QTMAN: variants seen among roughly 807,000 people sequenced by gnomAD.
The protein encoded by QTMAN is queuosine-tRNA mannosyltransferase.
At chr2:144,195,207 A>C in the QTMAN span, among the ~76,000 whole-genome samples, 1 of 152,236 alleles carries the variant, frequency 6.6e-6, no homozygotes, top group East Asian at 1.9e-4. Context: ...ACAATAGCTG[A>C]GAAGCATTGA....
At chr2:144,017,917 C>T in the QTMAN span, among the ~76,000 whole-genome samples, 1 of 152,106 alleles carries the variant, frequency 6.6e-6, no homozygotes, top group Non-Finnish European at 1.5e-5. Context: ...TTTAGCCATC[C>T]ACTTAAGGCA....
At chr2:144,323,120 A>C in the QTMAN span, among the ~76,000 whole-genome samples, 1 of 152,298 alleles carries the variant, frequency 6.6e-6, no homozygotes, top group African/African-American at 2.4e-5. Context: ...TTCTAAGTCT[A>C]AATAGTCACA....
the QTMAN span, among the ~76,000 whole-genome samples, chr2:144,105,248 G>A: frequency 6.6e-6 from 1 of 152,218 alleles, no homozygotes; most frequent in Non-Finnish European, 1.5e-5. Flanking sequence ...GAGCAAAGCT[G>A]GACGGAGAAT....
At chr2:143,943,863 A>G in the QTMAN span, 3 of 152,242 alleles carry the variant, frequency 2.0e-5, no homozygotes, top group African/African-American at 7.2e-5. Flanking sequence ...TGAGAAGGTT[A>G]AGAACCAGGT....
chr2:143,967,462 C>T, the QTMAN span, among the ~76,000 whole-genome samples: 1 of 151,994 alleles, frequency 6.6e-6, no homozygotes, highest in South Asian at 2.1e-4. Context: ...TCCCAAGTTG[C>T]TGGGATTACC....
the QTMAN span, among the ~76,000 whole-genome samples, chr2:144,122,155 A>G: frequency 1.3e-5 from 2 of 152,320 alleles, no homozygotes; most frequent in Non-Finnish European, 2.9e-5. Context: ...GATTCCATGT[A>G]AATCAGGTTT....
chr2:143,964,491 T>A, the QTMAN span, among the ~76,000 whole-genome samples: 1 of 152,150 alleles, frequency 6.6e-6, no homozygotes, highest in South Asian at 2.1e-4. Context: ...TATCAATACA[T>A]TAGTAGCTTT....
the QTMAN span, among the ~76,000 whole-genome samples, chr2:144,034,080 G>A: frequency 6.6e-6 from 1 of 152,136 alleles, no homozygotes; most frequent in Non-Finnish European, 1.5e-5. Context: ...TTCTCTGTTC[G>A]AGGAGAACCA....
chr2:144,072,392 T>C, the QTMAN span, among the ~76,000 whole-genome samples: 44 of 152,304 alleles, frequency 2.9e-4, no homozygotes, highest in African/African-American at 9.1e-4. Flanking sequence ...ATTCAAAAGA[T>C]AGGATACATA....
chr2:144,141,767 TCTAA>T, the QTMAN span: 11 of 718,604 alleles, frequency 1.5e-5, no homozygotes, highest in Non-Finnish European at 2.6e-5. Flanking sequence ...AACTTAATTC[TCTAA>T]CTAACCATAC....
At chr2:144,044,578 AT>A in the QTMAN span, among the ~76,000 whole-genome samples, 9 of 152,048 alleles carry the variant, frequency 5.9e-5, no homozygotes, top group Admixed American at 3.3e-4. Flanking sequence ...AAAATCATGT[AT>A]TTTTTTCCCC....
At chr2:144,266,292 G>A in the QTMAN span, among the ~76,000 whole-genome samples, 1 of 152,082 alleles carries the variant, frequency 6.6e-6, no homozygotes, top group African/African-American at 2.4e-5. Context: ...TTAGAAAGAG[G>A]GGTAACATCC....
chr2:143,997,127 A>G, the QTMAN span, among the ~76,000 whole-genome samples: 1 of 152,092 alleles, frequency 6.6e-6, no homozygotes, highest in Non-Finnish European at 1.5e-5. Context: ...ATTCTGGGCA[A>G]TAAATCTTTT....
At chr2:144,106,122 G>C in the QTMAN span, among the ~76,000 whole-genome samples, 593 of 152,232 alleles carry the variant, frequency 3.9e-3, 11 homozygotes, top group Admixed American at 0.024. Flanking sequence ...ACATGGAAAG[G>C]AACAACCGGT....
At chr2:144,020,381 C>T in the QTMAN span, among the ~76,000 whole-genome samples, 6 of 152,308 alleles carry the variant, frequency 3.9e-5, no homozygotes, top group Admixed American at 2.6e-4. Context: ...GAGGAACACA[C>T]GGGTGGCTGG....
chr2:144,048,074 C>A, the QTMAN span, among the ~76,000 whole-genome samples: 1 of 152,268 alleles, frequency 6.6e-6, no homozygotes, highest in East Asian at 1.9e-4. Flanking sequence ...AGTGAAGACA[C>A]AAAGTACGTA....
the QTMAN span, among the ~76,000 whole-genome samples, chr2:144,087,220 T>C: frequency 1.3e-5 from 2 of 152,214 alleles, no homozygotes; most frequent in South Asian, 2.1e-4. Context: ...ATGTAATGAC[T>C]GAAATGAAGT....
At chr2:144,198,550 A>G in the QTMAN span, among the ~76,000 whole-genome samples, 4 of 152,314 alleles carry the variant, frequency 2.6e-5, no homozygotes, top group East Asian at 5.8e-4. Flanking sequence ...ATACAGCCAA[A>G]ACACAGGAAA....
At chr2:144,316,246 A>AAAC in the QTMAN span, among the ~76,000 whole-genome samples, 156 of 152,192 alleles carry the variant, frequency 1.0e-3, no homozygotes, top group Non-Finnish European at 2.0e-3. Context: ...CAAAAAAAAA[A>AAAC]AACGCTGCTG....
Sources: gnomAD v4.1 joint callset for allele counts (sites outside exome capture counted in the v4.1 genomes callset) on GRCh38, gnomAD v4.1.1 for gene constraint, MANE v1.5 for transcripts, NCBI Gene and HGNC (gene_info 2026-07-23, HGNC 2026-07-21) for gene names.